POU2F3: variants seen among roughly 807,000 people sequenced by gnomAD.
POU2F3 encodes POU class 2 homeobox 3.
In POU2F3, 23 loss-of-function variants were observed where a neutral mutation model predicts 59.2. The ratio of observed to expected loss-of-function variants is 0.39; its 90% CI spans 0.28 to 0.55. The LOEUF (loss-of-function observed/expected upper bound fraction) is 0.55. POU2F3 is among the 20% of genes least tolerant of loss of function. The probability of loss-of-function intolerance (pLI) is 0.66; values close to 1 mark genes in which losing one functional copy is unlikely to be tolerated. For synonymous variants in POU2F3, 190 were observed against 214.6 expected (o/e 0.89, Z 1.00); for missense variants, 473 against 544.5 (o/e 0.87, Z 1.31).
At chr11:120,309,350 T>G in intron 9 of POU2F3, 75 bp from the exon 10 acceptor site, 2 of 1,440,682 alleles carry the variant, frequency 1.4e-6, no homozygotes, top group Non-Finnish European at 1.9e-6. Context: ...AGTTGTATCC[T>G]GTTTCTTTGG....
intron 2 of POU2F3, among the ~76,000 whole-genome samples, chr11:120,247,440 G>A (rs1938921033): frequency 6.6e-6 from 1 of 152,288 alleles, no homozygotes; most frequent in East Asian, 1.9e-4. Context: ...GGCGGGGAGG[G>A]CATCCACAGT....
upstream of POU2F3, chr11:120,236,664 A>G (rs1469872041): frequency 1.0e-5 from 15 of 1,499,476 alleles, no homozygotes; most frequent in Non-Finnish European, 1.3e-5. Flanking sequence ...GAGCTCAAAA[A>G]ACCGGTTTCA....
At chr11:120,317,177 C>T (rs1484843421) in intron 11 of POU2F3, 52 bp from the exon 12 acceptor site, 16 of 1,604,572 alleles carry the variant, frequency 1.0e-5, no homozygotes, top group African/African-American at 2.7e-5. Flanking sequence ...CCCGATGTCC[C>T]GGGATCCAGC....
chr11:120,302,185 G>A, intron 5 of POU2F3, 101 bp from the exon 6 acceptor site: 1 of 976,574 alleles, frequency 1.0e-6, no homozygotes, highest in South Asian at 1.6e-5. Context: ...TCAGGTGGCA[G>A]GGGGTGGGGA....
rs35039795 is a variant in POU2F3 at position 120,285,891 on chromosome 11, G to GT, written c.133-12367dup. On this transcript the variant is annotated intron_variant, in intron 3 of 12. Transcript: ENST00000543440. The surrounding 1 kb of genome is among the most constrained non-coding windows in gnomAD (Gnocchi z 4.3). ...TGTTCTATTGTTTGGGGGTTTTTCT[G>GT]TTTTTTTCTGAGACGGAGTCTTGCT... 0.22 allele frequency among the ~76,000 whole-genome samples: 34,123 copies of GT among 151,860 alleles called. 4,463 individuals are homozygous for GT. Among genetic ancestry groups the GT allele is most frequent in the Admixed American group, 0.43 (6,585 of 15,236 alleles).
intron 1 of POU2F3, among the ~76,000 whole-genome samples, chr11:120,243,709 C>G (rs1938761901): frequency 6.6e-6 from 1 of 152,186 alleles, no homozygotes; most frequent in Admixed American, 6.5e-5. Flanking sequence ...GACCCAAAAG[C>G]TCGTCCCACC....
intron 2 of POU2F3, among the ~76,000 whole-genome samples, chr11:120,248,141 A>G (rs193272040): frequency 6.4e-4 from 98 of 152,326 alleles, no homozygotes; most frequent in African/African-American, 1.8e-3. Context: ...AAGTAGGTTA[A>G]GAGAGAAAGA....
intron 3 of POU2F3, among the ~76,000 whole-genome samples, chr11:120,271,023 C>T (rs986829393): frequency 1.3e-5 from 2 of 152,172 alleles, no homozygotes; most frequent in Non-Finnish European, 2.9e-5. Context: ...TCCTAAAAGG[C>T]TGCTAATTCT....
intron 3 of POU2F3, among the ~76,000 whole-genome samples, chr11:120,289,387 C>A (rs11600890): frequency 0.023 from 3,501 of 152,278 alleles, 132 homozygotes; most frequent in African/African-American, 0.078. Flanking sequence ...GCTACCCTCG[C>A]TACAGTCATG....
chr11:120,297,043 A>C (rs1410520992), intron 3 of POU2F3, among the ~76,000 whole-genome samples: 1 of 152,216 alleles, frequency 6.6e-6, no homozygotes, highest in African/African-American at 2.4e-5. Context: ...GTAGACCAAG[A>C]AAATGGTTTA....
At chr11:120,301,362 C>G (rs901126523) in intron 5 of POU2F3, 3 of 243,950 alleles carry the variant, frequency 1.2e-5, no homozygotes, top group African/African-American at 6.8e-5. Flanking sequence ...CCTCTCAACT[C>G]CCAGTTCTGG....
upstream of POU2F3, chr11:120,236,750 A>T (rs529188578): frequency 2.3e-4 from 325 of 1,428,362 alleles, no homozygotes; most frequent in Non-Finnish European, 2.8e-4. Flanking sequence ...CATCTAACTG[A>T]AATGATCAGT....
At chr11:120,258,427 A>G (rs1939447277) in intron 2 of POU2F3, among the ~76,000 whole-genome samples, 1 of 152,122 alleles carries the variant, frequency 6.6e-6, no homozygotes, top group African/African-American at 2.4e-5. Context: ...CTGAGTTGCC[A>G]TTTGCTGGTC....
intron 3 of POU2F3, among the ~76,000 whole-genome samples, chr11:120,294,748 G>C (rs1228717812): frequency 2.0e-5 from 3 of 152,136 alleles, no homozygotes; most frequent in Non-Finnish European, 4.4e-5. Context: ...CCTCCTTCCT[G>C]TTGAACTCAG....
chr11:120,268,781 A>G, intron 2 of POU2F3, among the ~76,000 whole-genome samples: 1 of 152,236 alleles, frequency 6.6e-6, no homozygotes, highest in East Asian at 1.9e-4. Context: ...GGGCTGGGCT[A>G]GTAGCATGAC....
intron 9 of POU2F3, 45 bp from the exon 10 acceptor site, chr11:120,309,379 CT>C: frequency 6.5e-7 from 1 of 1,543,876 alleles, no homozygotes; most frequent in Non-Finnish European, 8.9e-7. Context: ...TTCCCTGCCC[CT>C]GATTCCCTTC....
intron 5 of POU2F3, chr11:120,301,656 TG>T (rs1205577631): frequency 6.5e-6 from 1 of 153,054 alleles, no homozygotes; most frequent in Non-Finnish European, 1.5e-5. Flanking sequence ...CTGGGGAGGA[TG>T]GAGAAGCCGG....
chr11:120,318,158 C>T (rs1941836345), intron 12 of POU2F3, among the ~76,000 whole-genome samples, 195 bp from the exon 13 acceptor site: 1 of 152,148 alleles, frequency 6.6e-6, no homozygotes, highest in African/African-American at 2.4e-5. Context: ...CCATAAAATT[C>T]ACCGTTTTAA....
chr11:120,291,606 G>T (rs1941022542), intron 3 of POU2F3, among the ~76,000 whole-genome samples: 1 of 152,196 alleles, frequency 6.6e-6, no homozygotes, highest in East Asian at 1.9e-4. Context: ...AGTGAGGATT[G>T]TACAGAAATA....
Sources: allele counts gnomAD v4.1 joint callset (sites outside exome capture counted in the v4.1 genomes callset), GRCh38; gene constraint gnomAD v4.1.1; non-coding constraint Gnocchi (gnomAD v3.1); transcripts MANE v1.5; gene names NCBI Gene and HGNC (gene_info 2026-07-23, HGNC 2026-07-21).